TSPAN15: variants seen among roughly 807,000 people sequenced by gnomAD.
The protein encoded by TSPAN15 is tetraspanin 15.
TSPAN15 carries 20 observed loss-of-function variants against 34.5 expected under a neutral mutation model. That is an observed-to-expected ratio of 0.58 (90% CI 0.41 to 0.84). The LOEUF (loss-of-function observed/expected upper bound fraction) is 0.84, where lower values mean the gene tolerates loss of function less well. TSPAN15 is among the 40% of genes least tolerant of loss of function. TSPAN15 has a pLI of 0.00. For synonymous variants in TSPAN15, 155 were observed against 153.9 expected (o/e 1.01, Z -0.05); for missense variants, 313 against 386.1 (o/e 0.81, Z 1.59).
At chr10:69,458,519 G>T (rs540618306) in intron 1 of TSPAN15, among the ~76,000 whole-genome samples, 3 of 152,168 alleles carry the variant, frequency 2.0e-5, no homozygotes, top group Non-Finnish European at 4.4e-5. Flanking sequence ...CTGGCTCTAG[G>T]TAAGCATTCC....
intron 6 of TSPAN15, 56 bp downstream of exon 6, chr10:69,504,541 G>C (rs1589655877): frequency 1.3e-6 from 2 of 1,586,906 alleles, no homozygotes; most frequent in Non-Finnish European, 1.7e-6. Flanking sequence ...GTCCACCCTG[G>C]GGTGATCGGA....
At chr10:69,508,468 A>AAAAAAG (rs1554835861), downstream of TSPAN15, among the ~76,000 whole-genome samples, 175 of 139,004 alleles carry the variant, frequency 1.3e-3, no homozygotes, top group Non-Finnish European at 1.9e-3. Context: ...AAAAAAAAAA[A>AAAAAAG]AAGAAGAAGA....
intron 3 of TSPAN15, among the ~76,000 whole-genome samples, chr10:69,489,297 G>A (rs2082208): frequency 0.022 from 3,357 of 152,174 alleles, 153 homozygotes; most frequent in African/African-American, 0.077. Flanking sequence ...CCTGAAAATC[G>A]CTGTTATTCT....
chr10:69,482,611 G>A (rs772924304), intron 1 of TSPAN15, among the ~76,000 whole-genome samples: 1 of 152,160 alleles, frequency 6.6e-6, no homozygotes, highest in Non-Finnish European at 1.5e-5. Flanking sequence ...GGTTTGTAGT[G>A]TTTCCACATT....
At chr10:69,542,831 A>T in the TSPAN15 span, among the ~76,000 whole-genome samples, 1 of 152,222 alleles carries the variant, frequency 6.6e-6, no homozygotes, top group African/African-American at 2.4e-5. Flanking sequence ...TGAGATTTGG[A>T]TGGAGACATA....
chr10:69,456,571 G>A (rs1841115307), intron 1 of TSPAN15, among the ~76,000 whole-genome samples: 1 of 152,072 alleles, frequency 6.6e-6, no homozygotes, highest in African/African-American at 2.4e-5. Flanking sequence ...ATAAATAGCA[G>A]GTAAAGGTTT....
At chr10:69,530,816 CTCTCTATATATATATA>C in the TSPAN15 span, among the ~76,000 whole-genome samples, 98 of 52,394 alleles carry the variant, frequency 1.9e-3, no homozygotes, top group East Asian at 8.1e-3. Context: ...CTCTCTCTCT[CTCTCTATATATATATA>C]TATATATATA....
the TSPAN15 span, among the ~76,000 whole-genome samples, chr10:69,521,404 G>A: frequency 1.4e-4 from 21 of 146,458 alleles, 2 homozygotes; most frequent in African/African-American, 4.5e-4. Flanking sequence ...CAGCACTTTC[G>A]GAGGCTGAGG....
At chr10:69,463,363 C>T (rs1411561891) in intron 1 of TSPAN15, among the ~76,000 whole-genome samples, 3 of 152,184 alleles carry the variant, frequency 2.0e-5, no homozygotes, top group African/African-American at 7.2e-5. Flanking sequence ...TCTATCTCTA[C>T]TTCACAGATG....
At chr10:69,541,299 A>C in the TSPAN15 span, among the ~76,000 whole-genome samples, 1 of 152,210 alleles carries the variant, frequency 6.6e-6, no homozygotes, top group African/African-American at 2.4e-5. Context: ...CACCTCTTGC[A>C]TCAGCATGAC....
At chr10:69,502,329 A>G (rs1049198661) in intron 5 of TSPAN15, among the ~76,000 whole-genome samples, 5 of 152,350 alleles carry the variant, frequency 3.3e-5, no homozygotes, top group African/African-American at 2.4e-5. Flanking sequence ...AAATGGCTCC[A>G]GACTGCTGTG....
rs368226985 is a variant in TSPAN15, at chr10:69,483,843, G to A, written c.249G>A (p.Ala83=). Residue 83 remains alanine, a synonymous_variant, in exon 2 of 8, where the codon GCG becomes GCA. Transcript: ENST00000373290. ...MFMVSFIGVL[A]SLRDNLYLLQ... is the part of the protein sequence containing the mutation. ...TGGTCTCCTTCATTGGTGTGCTGGC[G>A]TCCCTCCGTGACAACCTGTACCTTC... 30 of 1,613,828 alleles carry A rather than the reference G, an allele frequency of 1.9e-5. No homozygotes were observed. Among genetic ancestry groups the A allele is most frequent in the Admixed American group, 3.3e-5 (2 of 59,998 alleles).
intron 1 of TSPAN15, among the ~76,000 whole-genome samples, chr10:69,456,174 G>A (rs1340901986): frequency 1.3e-5 from 2 of 150,928 alleles, no homozygotes; most frequent in Non-Finnish European, 2.9e-5. Context: ...TGCAGCCTCT[G>A]CCTTCCAGGC....
the TSPAN15 span, among the ~76,000 whole-genome samples, chr10:69,541,658 C>A: frequency 4.0e-4 from 61 of 152,384 alleles, no homozygotes; most frequent in African/African-American, 1.3e-3. Context: ...GACATCCAGG[C>A]GTTTCCATAC....
At chr10:69,531,606 A>G in the TSPAN15 span, among the ~76,000 whole-genome samples, 1 of 152,136 alleles carries the variant, frequency 6.6e-6, no homozygotes, top group Non-Finnish European at 1.5e-5. Flanking sequence ...CAAAAAGCAA[A>G]CAAACAAACA....
chr10:69,537,234 G>A, the TSPAN15 span, among the ~76,000 whole-genome samples: 1 of 152,166 alleles, frequency 6.6e-6, no homozygotes, highest in African/African-American at 2.4e-5. Context: ...TGACCATGTG[G>A]CTGACTGGGA....
intron 5 of TSPAN15, among the ~76,000 whole-genome samples, chr10:69,502,693 C>G (rs1212147827): frequency 6.6e-6 from 1 of 152,124 alleles, no homozygotes; most frequent in African/African-American, 2.4e-5. Context: ...CCCCTCACCC[C>G]TTGGTGAGGG....
At position 69,507,651 on chromosome 10, in the gene TSPAN15, G is replaced by A. The variant is rs1284390867; in HGVS notation, c.*673G>A. The A allele has an allele frequency of 2.0e-6, 2 of 1,007,626 alleles. No individual in the cohort carries two copies. The highest frequency in any genetic ancestry group is 8.0e-5 in the Admixed American group (2 of 24,942). The allele number at this position is 1,007,626 out of a possible 1,614,324, so 62.4% of individuals were successfully genotyped here. A position where few individuals can be genotyped will look rare whatever the true frequency, so the allele number is the denominator to read the frequency against. On this transcript the variant is annotated 3_prime_UTR_variant, in exon 8 of 8. Transcript: ENST00000373290. ...TTTGTTAATCAAACAATAAAAACAT[G>A]TTTTTTTTTTTTTTTTTTTTTTGCC... is the stretch of plus-strand genomic sequence containing the variant.
intron 1 of TSPAN15, among the ~76,000 whole-genome samples, chr10:69,464,723 G>A (rs561807566): frequency 6.6e-6 from 1 of 152,156 alleles, no homozygotes; most frequent in Non-Finnish European, 1.5e-5. Context: ...GGGCCGTAGA[G>A]GGCATCTAGT....
Sources: allele counts gnomAD v4.1 joint callset (sites outside exome capture counted in the v4.1 genomes callset), GRCh38; gene constraint gnomAD v4.1.1; transcripts MANE v1.5; gene names NCBI Gene and HGNC (gene_info 2026-07-23, HGNC 2026-07-21).